Variants in CTNND2 observed in about 807,000 individuals in gnomAD.
The protein encoded by CTNND2 is catenin delta-2.
In CTNND2, 22 loss-of-function variants were observed where a neutral mutation model predicts 144.4. That is an observed-to-expected ratio of 0.15 (90% CI 0.11 to 0.22). CTNND2 has a LOEUF of 0.22. Among genes scored for constraint, CTNND2 ranks in the 10% least tolerant of loss-of-function variants. The pLI, the probability that CTNND2 is intolerant of heterozygous loss-of-function variation, is 1.00. For missense variants in CTNND2, 1,353 were observed against 1,618.8 expected (o/e 0.84, Z 2.82); for synonymous variants, 751 against 695.6 (o/e 1.08, Z -1.25).
chr5:11,066,408 A>T (rs1454165966), intron 16 of CTNND2, among the ~76,000 whole-genome samples: 1 of 152,196 alleles, frequency 6.6e-6, no homozygotes, highest in Non-Finnish European at 1.5e-5. Context: ...AAGCTCAATC[A>T]ATTGTCAACC....
intron 16 of CTNND2, among the ~76,000 whole-genome samples, chr5:11,027,610 ATGTGTGTG>A (rs142487986): frequency 6.6e-6 from 1 of 151,228 alleles, no homozygotes; most frequent in Admixed American, 6.6e-5. Context: ...CACTGTGTGT[ATGTGTGTG>A]TGTGTGTGTT....
intron 1 of CTNND2, among the ~76,000 whole-genome samples, chr5:11,788,745 T>C (rs964114965): frequency 1.3e-5 from 2 of 152,042 alleles, no homozygotes; most frequent in African/African-American, 4.8e-5. Flanking sequence ...TTGTTACATA[T>C]GTATACATGT....
At chr5:11,297,269 GT>G (rs1236835124) in intron 9 of CTNND2, among the ~76,000 whole-genome samples, 1 of 152,176 alleles carries the variant, frequency 6.6e-6, no homozygotes, top group Non-Finnish European at 1.5e-5. Context: ...AACTTGTAGA[GT>G]TTTGGTATAG....
At position 11,269,895 on chromosome 5, in the gene CTNND2, T is replaced by C. The variant is rs190010928; in HGVS notation, c.1629-33072A>G. On this transcript the variant is annotated intron_variant, in intron 9 of 21. Transcript: ENST00000304623. Reference sequence around the variant, plus strand: ...TTCTCTAGAAAAATTATGCTAGTGATTGAAAACGAAAAAAACACGGAGCCT... The same window carrying C: ...TTCTCTAGAAAAATTATGCTAGTGACTGAAAACGAAAAAAACACGGAGCCT... Among the ~76,000 whole-genome samples the C allele has an allele frequency of 9.4e-4, 143 of 152,316 alleles. 1 individual carries two copies. In the Middle Eastern group the frequency reaches 0.02, roughly 22 times the overall value.
intron 9 of CTNND2, among the ~76,000 whole-genome samples, chr5:11,239,011 AT>A (rs1741940676): frequency 6.6e-6 from 1 of 152,258 alleles, no homozygotes. Flanking sequence ...CTAGAATTAT[AT>A]TCTTTATGCA....
At chr5:11,365,044 A>C (rs2149772201) in intron 7 of CTNND2, among the ~76,000 whole-genome samples, 154 bp from the exon 8 acceptor site, 1 of 152,346 alleles carries the variant, frequency 6.6e-6, no homozygotes, top group East Asian at 1.9e-4. Flanking sequence ...TGTCAACCTA[A>C]TCAGCCTGTC....
intron 11 of CTNND2, among the ~76,000 whole-genome samples, chr5:11,180,090 C>A (rs368226334): frequency 6.6e-6 from 1 of 152,138 alleles, no homozygotes; most frequent in African/African-American, 2.4e-5. Flanking sequence ...GAATTGTAAG[C>A]CCCATGTGTT....
intron 2 of CTNND2, among the ~76,000 whole-genome samples, chr5:11,681,638 T>C (rs1784425689): frequency 1.3e-5 from 2 of 152,252 alleles, no homozygotes; most frequent in Admixed American, 1.3e-4. Context: ...TTTATTTGTA[T>C]ATGCCAACAA....
At chr5:11,348,000 A>C (rs1754964806) in intron 8 of CTNND2, among the ~76,000 whole-genome samples, 1 of 152,192 alleles carries the variant, frequency 6.6e-6, no homozygotes, top group Non-Finnish European at 1.5e-5. Flanking sequence ...AACTTTCAAG[A>C]CTTCATCTTA....
intron 3 of CTNND2, among the ~76,000 whole-genome samples, chr5:11,511,390 C>T (rs1274972490): frequency 2.6e-5 from 4 of 152,044 alleles, no homozygotes; most frequent in Non-Finnish European, 5.9e-5. Flanking sequence ...GGCAGGGATC[C>T]GCCTTGGTGG....
At chr5:11,598,831 G>A (rs1384606372) in intron 2 of CTNND2, among the ~76,000 whole-genome samples, 1 of 152,118 alleles carries the variant, frequency 6.6e-6, no homozygotes, top group Non-Finnish European at 1.5e-5. Context: ...TAAGCATCTT[G>A]TATTAGTGCA....
chr5:11,074,988 G>A (rs1428345962), intron 16 of CTNND2, among the ~76,000 whole-genome samples: 4 of 148,474 alleles, frequency 2.7e-5, no homozygotes, highest in Non-Finnish European at 5.9e-5. Flanking sequence ...TGAATGAAAA[G>A]GATGATCTAA....
chr5:11,085,147 G>A (rs769857506), intron 15 of CTNND2, among the ~76,000 whole-genome samples: 7 of 152,310 alleles, frequency 4.6e-5, no homozygotes, highest in Non-Finnish European at 1.0e-4. Flanking sequence ...GAATCCTTCA[G>A]CTTTGCTGGG....
intron 11 of CTNND2, among the ~76,000 whole-genome samples, chr5:11,192,896 CCT>C (rs1000427954): frequency 6.6e-6 from 1 of 152,184 alleles, no homozygotes; most frequent in African/African-American, 2.4e-5. Flanking sequence ...CCTAGGCAAA[CCT>C]GGTGAGGGCT....
chr5:11,267,398 A>AG (rs1204953592), intron 9 of CTNND2, among the ~76,000 whole-genome samples: 2 of 152,130 alleles, frequency 1.3e-5, no homozygotes, highest in African/African-American at 4.8e-5. Flanking sequence ...TCTACAGTTT[A>AG]TTTTGGATCT....
chr5:11,533,434 G>A (rs1249828383), intron 3 of CTNND2, among the ~76,000 whole-genome samples: 1 of 152,192 alleles, frequency 6.6e-6, no homozygotes, highest in Non-Finnish European at 1.5e-5. Flanking sequence ...TGTTCCCCGG[G>A]CTGGCTTCAT....
At chr5:11,667,237 G>A (rs745752861) in intron 2 of CTNND2, among the ~76,000 whole-genome samples, 1 of 152,128 alleles carries the variant, frequency 6.6e-6, no homozygotes, top group African/African-American at 2.4e-5. Flanking sequence ...ACGTGTGTGT[G>A]TGTCTTTATA....
Position 11,177,799 on chromosome 5 carries a change from A to G in CTNND2, c.1976-18040T>C, listed in dbSNP as rs571169965. 2.0e-5 allele frequency among the ~76,000 whole-genome samples: 3 copies of G among 152,302 alleles called. No homozygotes were observed. In the South Asian group the frequency reaches 6.2e-4, roughly 32 times the overall value. Reference sequence around the variant, plus strand: ...ATATTAAGTTGTTCTTTATGGCAATAATTAGATAGAAGTGCCATTTATTTC... The same window carrying G: ...ATATTAAGTTGTTCTTTATGGCAATGATTAGATAGAAGTGCCATTTATTTC... On this transcript the variant is annotated intron_variant, in intron 11 of 21. Coordinates refer to ENST00000304623, the MANE Select transcript of CTNND2 (RefSeq NM_001332.4).
intron 14 of CTNND2, among the ~76,000 whole-genome samples, chr5:11,101,884 CAT>C (rs1491162705): frequency 1.1e-5 from 1 of 88,498 alleles, no homozygotes; most frequent in Non-Finnish European, 2.4e-5. Context: ...ATGACGACCA[CAT>C]ATGTGTGTGT....
Sources: gnomAD v4.1 joint callset for allele counts (sites outside exome capture counted in the v4.1 genomes callset) on GRCh38, gnomAD v4.1.1 for gene constraint, MANE v1.5 for transcripts, NCBI Gene and HGNC (gene_info 2026-07-23, HGNC 2026-07-21) for gene names.